MIPEP: variants seen among roughly 807,000 people sequenced by gnomAD.
MIPEP encodes mitochondrial intermediate peptidase.
In MIPEP, 79 loss-of-function variants were observed where a neutral mutation model predicts 90.3. That is an observed-to-expected ratio of 0.87 (90% confidence interval 0.73 to 1.05). The LOEUF is 1.05. Ranked by LOEUF, MIPEP falls within the 50% of genes least tolerant of loss-of-function variation. The pLI, the probability that MIPEP is intolerant of heterozygous loss-of-function variation, is 0.00. For missense variants in MIPEP, 940 were observed against 905.6 expected, an observed-to-expected ratio of 1.04 and a Z score of -0.49; for synonymous variants, 334 against 315.8, an observed-to-expected ratio of 1.06 and a Z score of -0.61.
At chr13:23,743,915 T>C (rs953092847) in intron 18 of MIPEP, among the ~76,000 whole-genome samples, 9 of 152,220 alleles carry the variant, frequency 5.9e-5, no homozygotes, top group East Asian at 1.9e-4. Context: ...AGAGGCTACG[T>C]TGGGTAAATA....
Position 23,841,398 on chromosome 13 carries a change from C to T in MIPEP, c.1197G>A (p.Gly399=), listed in dbSNP as rs150114409. The T allele has an allele frequency of 1.2e-6, 2 of 1,614,130 alleles. No individual in the cohort carries two copies. Among genetic ancestry groups the T allele is most frequent in the Admixed American group, 1.7e-5 (1 of 60,010 alleles). Residue 399 remains glycine (G), a synonymous_variant, in exon 11 of 19, where the codon GGG becomes GGA. Transcript: ENST00000382172. ...GLNILLNRLL[G]ISLYAEQPAK... is the part of the protein sequence containing the mutation. ...CAGGCTGCTCTGCATATAATGAAAT[C>T]CCCAACAGTCTGTTAAGCAAAATAT... is the stretch of plus-strand genomic sequence containing the variant.
At chr13:23,797,452 C>T (rs1239312059) in intron 16 of MIPEP, among the ~76,000 whole-genome samples, 4 of 152,158 alleles carry the variant, frequency 2.6e-5, no homozygotes, top group East Asian at 3.8e-4. Context: ...TGTTTCTGAA[C>T]GTCATCCCCA....
chr13:23,887,955 G>C, intron 1 of MIPEP: 1 of 314,438 alleles, frequency 3.2e-6, no homozygotes, highest in South Asian at 2.8e-5. Flanking sequence ...CCACTTCCCA[G>C]TACAACCTGC....
At chr13:23,749,796 C>G (rs1796794748) in intron 18 of MIPEP, among the ~76,000 whole-genome samples, 4 of 152,190 alleles carry the variant, frequency 2.6e-5, no homozygotes, top group African/African-American at 9.7e-5. Flanking sequence ...GATCTTGGCA[C>G]TACCTGCCTT....
At chr13:23,754,645 T>C (rs1346234931) in intron 18 of MIPEP, among the ~76,000 whole-genome samples, 1 of 152,176 alleles carries the variant, frequency 6.6e-6, no homozygotes, top group Non-Finnish European at 1.5e-5. Context: ...CTGAAAAAGA[T>C]TTACATTTTT....
intron 10 of MIPEP, among the ~76,000 whole-genome samples, chr13:23,853,969 G>C (rs528406620): frequency 1.3e-5 from 2 of 152,130 alleles, no homozygotes; most frequent in East Asian, 1.9e-4. Flanking sequence ...GAAGGAAGAA[G>C]GAAAAGAAGA....
chr13:23,806,534 C>T (rs1369955777), intron 15 of MIPEP, among the ~76,000 whole-genome samples: 1 of 152,000 alleles, frequency 6.6e-6, no homozygotes, highest in Non-Finnish European at 1.5e-5. Context: ...AAAAATTAGA[C>T]AGGCGTGGTG....
At position 23,862,381 on chromosome 13, in the gene MIPEP, A is replaced by C; in HGVS notation, c.993-19T>G. On this transcript the variant is annotated intron_variant, in intron 8 of 18. Coordinates refer to ENST00000382172, the MANE Select transcript of MIPEP (RefSeq NM_005932.4). The stretch of plus-strand genomic sequence containing the variant: ...CAGAGTTCTATAAAACAGGTTTATC[A>C]TTACTTGTTAGGACAAAATTTTAAC... The C allele has an allele frequency of 6.7e-7, 1 of 1,483,200 alleles. No individual in the cohort carries two copies. Among genetic ancestry groups the C allele is most frequent in the Non-Finnish European group, 9.3e-7 (1 of 1,078,220 alleles). The allele number at this position is 1,483,200 out of a possible 1,614,324, so 91.9% of individuals were successfully genotyped here.
intron 4 of MIPEP, among the ~76,000 whole-genome samples, chr13:23,875,569 C>T (rs1688921326): frequency 6.7e-6 from 1 of 150,210 alleles, no homozygotes; most frequent in African/African-American, 2.5e-5. Flanking sequence ...TAAAAAAAAC[C>T]AACAACATTG....
At chr13:23,864,938 A>T (rs1870468089) in intron 7 of MIPEP, among the ~76,000 whole-genome samples, 1 of 152,180 alleles carries the variant, frequency 6.6e-6, no homozygotes, top group African/African-American at 2.4e-5. Context: ...AAATTTTTTA[A>T]GATCAATGTT....
intron 18 of MIPEP, among the ~76,000 whole-genome samples, chr13:23,731,076 G>T (rs1952199572): frequency 6.6e-6 from 1 of 152,118 alleles, no homozygotes; most frequent in South Asian, 2.1e-4. Context: ...CATATATTAA[G>T]AATTCAATAA....
chr13:23,772,447 A>C (rs996813024), intron 16 of MIPEP, among the ~76,000 whole-genome samples: 1 of 152,206 alleles, frequency 6.6e-6, no homozygotes, highest in Non-Finnish European at 1.5e-5. Context: ...CCATTAGTTA[A>C]AAGTAGTATT....
At chr13:23,831,383 C>CCGGCGG (rs58008469) in intron 14 of MIPEP, among the ~76,000 whole-genome samples, 1 of 40,922 alleles carries the variant, frequency 2.4e-5, no homozygotes, top group East Asian at 4.7e-4. Flanking sequence ...TTCCCCATGG[C>CCGGCGG]GGGGGGGGGA....
At chr13:23,772,905 A>G (rs926315084) in intron 16 of MIPEP, among the ~76,000 whole-genome samples, 1 of 152,136 alleles carries the variant, frequency 6.6e-6, no homozygotes, top group Non-Finnish European at 1.5e-5. Flanking sequence ...CACATACCAT[A>G]TAATTCACTC....
chr13:23,840,347 ACC>A (rs1391752675), intron 11 of MIPEP, among the ~76,000 whole-genome samples: 32 of 152,288 alleles, frequency 2.1e-4, no homozygotes, highest in African/African-American at 7.2e-4. Flanking sequence ...TCTGTTAAGC[ACC>A]TACTTGGTGC....
At chr13:23,736,203 T>C (rs1265743719) in intron 18 of MIPEP, among the ~76,000 whole-genome samples, 1 of 152,184 alleles carries the variant, frequency 6.6e-6, no homozygotes, top group Non-Finnish European at 1.5e-5. Flanking sequence ...TGAATGGATC[T>C]TGCCAAAAGG....
At chr13:23,774,587 T>A (rs1421690624) in intron 16 of MIPEP, among the ~76,000 whole-genome samples, 1 of 152,104 alleles carries the variant, frequency 6.6e-6, no homozygotes, top group African/African-American at 2.4e-5. Context: ...TTCAATAATG[T>A]TTTACAGTTT....
chr13:23,837,189 AAG>A (rs963526410), intron 13 of MIPEP, among the ~76,000 whole-genome samples: 1 of 152,214 alleles, frequency 6.6e-6, no homozygotes, highest in African/African-American at 2.4e-5. Flanking sequence ...TTTGAATATA[AAG>A]AGAGACCATT....
At chr13:23,760,036 T>G (rs1159278292) in intron 17 of MIPEP, 60 bp downstream of exon 17, 2 of 1,606,756 alleles carry the variant, frequency 1.2e-6, no homozygotes, top group East Asian at 4.5e-5. Flanking sequence ...CTTCCAGATG[T>G]AATAGAGTGG....
Sources: allele counts gnomAD v4.1 joint callset (sites outside exome capture counted in the v4.1 genomes callset), GRCh38; gene constraint gnomAD v4.1.1; transcripts MANE v1.5; gene names NCBI Gene and HGNC (gene_info 2026-07-23, HGNC 2026-07-21).